The following KLHL5 variants were observed in gnomAD, a reference collection of about 807,000 sequenced individuals.
KLHL5 encodes the protein kelch-like protein 5.
In KLHL5, 48 loss-of-function variants were observed where a neutral mutation model predicts 77.7. That is an observed-to-expected ratio of 0.62 (90% CI 0.49 to 0.79). The LOEUF (loss-of-function observed/expected upper bound fraction) is 0.79. KLHL5 is among the 30% of genes least tolerant of loss of function. KLHL5 has a pLI of 0.00. For missense variants in KLHL5, 723 were observed against 859.7 expected (o/e 0.84, Z 1.99); for synonymous variants, 260 against 297.0 (o/e 0.88, Z 1.28).
chr4:39,101,672 AC>A (rs1187779264), intron 6 of KLHL5, among the ~76,000 whole-genome samples: 1 of 151,518 alleles, frequency 6.6e-6, no homozygotes, highest in Non-Finnish European at 1.5e-5. Context: ...ATACAGCAAA[AC>A]CCTGTTTCTA....
At chr4:39,130,950 C>T (rs960218496), downstream of KLHL5, among the ~76,000 whole-genome samples, 3 of 151,738 alleles carry the variant, frequency 2.0e-5, no homozygotes, top group Non-Finnish European at 4.4e-5. Context: ...TCAAGCAATC[C>T]TCCTGCCTCA....
intron 5 of KLHL5, among the ~76,000 whole-genome samples, chr4:39,092,799 A>G (rs1402278519): frequency 6.6e-6 from 1 of 152,182 alleles, no homozygotes; most frequent in Non-Finnish European, 1.5e-5. Flanking sequence ...CACTAGGAAA[A>G]TGCAAAATAA....
At chr4:39,058,341 C>T (rs371278142), upstream of KLHL5, among the ~76,000 whole-genome samples, 2 of 152,096 alleles carry the variant, frequency 1.3e-5, no homozygotes, top group African/African-American at 4.8e-5. Flanking sequence ...AAATACCGTA[C>T]GATTTTGTCA....
rs577572260 is a variant in KLHL5, at chr4:39,070,449, G to A, written c.384-5516G>A. 8.0e-4 allele frequency among the ~76,000 whole-genome samples: 122 copies of A among 151,944 alleles called. 1 individual carries two copies. The highest frequency in any genetic ancestry group is 5.0e-3 in the South Asian group (24 of 4,812). On this transcript the variant is annotated intron_variant, in intron 1 of 10. Coordinates refer to ENST00000504108, the MANE Select transcript of KLHL5 (RefSeq NM_015990.5). ...ATTTTTTTGAATGTAGATTGTTTCC[G>A]GTATTTCTCTATTAGAAACAACCTG...
intron 1 of KLHL5, among the ~76,000 whole-genome samples, chr4:39,053,940 G>T (rs1385557206): frequency 6.6e-6 from 1 of 152,192 alleles, no homozygotes; most frequent in African/African-American, 2.4e-5. Flanking sequence ...AATCTGTGAG[G>T]CACTTGTACT....
chr4:39,138,124 A>G, the KLHL5 span, among the ~76,000 whole-genome samples: 570 of 105,890 alleles, frequency 5.4e-3, 3 homozygotes, highest in African/African-American at 0.016. Context: ...AGTTACACAC[A>G]AGTGAAAAAG....
chr4:39,054,724 C>T (rs934485378), intron 1 of KLHL5, among the ~76,000 whole-genome samples: 10 of 152,096 alleles, frequency 6.6e-5, no homozygotes, highest in Non-Finnish European at 1.2e-4. Context: ...ACAGCAGAAG[C>T]GCTCTCCACC....
At chr4:39,117,421 C>T (rs140214631) in intron 10 of KLHL5, among the ~76,000 whole-genome samples, 1 of 151,912 alleles carries the variant, frequency 6.6e-6, no homozygotes, top group East Asian at 1.9e-4. Context: ...CAGTTGGGGT[C>T]GCATAGGTTG....
At chr4:39,114,551 C>G (rs1560441518) in intron 9 of KLHL5, among the ~76,000 whole-genome samples, 1 of 152,168 alleles carries the variant, frequency 6.6e-6, no homozygotes, top group East Asian at 1.9e-4. Context: ...AGGAAAGTTA[C>G]AACTGCATTT....
At chr4:39,045,228 C>T (rs1716077442) in intron 1 of KLHL5, 1 of 943,480 alleles carries the variant, frequency 1.1e-6, no homozygotes, top group Admixed American at 6.2e-5. Flanking sequence ...CTGCCCCTCC[C>T]GGAGGCGGCT....
At chr4:39,100,578 T>C (rs1721448199) in intron 6 of KLHL5, among the ~76,000 whole-genome samples, 1 of 152,202 alleles carries the variant, frequency 6.6e-6, no homozygotes. Context: ...CTTAAGCAAC[T>C]TTCCAAAGAT....
At position 39,122,514 on chromosome 4, in the gene KLHL5, A is replaced by G. The variant is rs2109628371; in HGVS notation, c.*1448A>G. On this transcript the variant is annotated 3_prime_UTR_variant, in exon 11 of 11. Transcript: ENST00000504108. The stretch of plus-strand genomic sequence containing the variant: ...TATTCCTGCCACTAGGTAGAAAAAG[A>G]AAGATTTCGGCCGGGCACAGTGGCT... 6.6e-6 allele frequency among the ~76,000 whole-genome samples: 1 copy of G among 152,276 alleles called. No homozygotes were observed. The highest frequency in any genetic ancestry group is 1.9e-4 in the East Asian group (1 of 5,180).
chr4:39,049,302 T>C (rs1172597115), intron 1 of KLHL5, among the ~76,000 whole-genome samples: 1 of 152,242 alleles, frequency 6.6e-6, no homozygotes, highest in Non-Finnish European at 1.5e-5. Context: ...TGAAATGCTT[T>C]TGAGAACTTC....
intron 1 of KLHL5, among the ~76,000 whole-genome samples, chr4:39,047,919 G>GT (rs1716319920): frequency 6.6e-6 from 1 of 152,214 alleles, no homozygotes; most frequent in African/African-American, 2.4e-5. Flanking sequence ...TGTCACTGCT[G>GT]TATGTGCAGG....
In KLHL5 at chr4:39,126,051, G is replaced by A. The variant is rs1009725454; in HGVS notation, c.*4985G>A. 2.6e-5 allele frequency among the ~76,000 whole-genome samples: 4 copies of A among 152,086 alleles called. No individual in the cohort carries two copies. The highest frequency in any genetic ancestry group is 9.7e-5 in the African/African-American group (4 of 41,406). On this transcript the variant is annotated 3_prime_UTR_variant, in exon 11 of 11. Transcript: ENST00000504108. ...ACCTAAGAAGGGAGTGAGAAACAAC[G>A]AGAACCATGAGGGGAGAGTTAACGG...
At chr4:39,138,983 T>C in the KLHL5 span, among the ~76,000 whole-genome samples, 1 of 152,118 alleles carries the variant, frequency 6.6e-6, no homozygotes, top group Non-Finnish European at 1.5e-5. Flanking sequence ...AATTAAGTCA[T>C]CAAACTGCAC....
At chr4:39,061,993 C>T (rs746179694), upstream of KLHL5, among the ~76,000 whole-genome samples, 1 of 152,132 alleles carries the variant, frequency 6.6e-6, no homozygotes, top group South Asian at 2.1e-4. Context: ...CTTTGTACTC[C>T]GCTTTCCTCC....
chr4:39,059,983 A>G (rs2109280684), upstream of KLHL5, among the ~76,000 whole-genome samples: 1 of 152,320 alleles, frequency 6.6e-6, no homozygotes, highest in South Asian at 2.1e-4. Context: ...AAAGCCTCAC[A>G]AGGATGTTTC....
chr4:39,055,173 C>T (rs1436488897), intron 1 of KLHL5, among the ~76,000 whole-genome samples: 1 of 152,218 alleles, frequency 6.6e-6, no homozygotes, highest in Non-Finnish European at 1.5e-5. Context: ...GCTACCTGGT[C>T]TTCAGACTAC....
Sources: allele counts gnomAD v4.1 joint callset (sites outside exome capture counted in the v4.1 genomes callset), GRCh38; gene constraint gnomAD v4.1.1; transcripts MANE v1.5; gene names NCBI Gene and HGNC (gene_info 2026-07-23, HGNC 2026-07-21).